Variants in ARHGAP26 observed in about 807,000 individuals in gnomAD.
ARHGAP26 encodes the protein rho GTPase-activating protein 26.
Under a neutral mutation model 104.8 loss-of-function variants are expected in ARHGAP26, and 38 were observed. That is an observed-to-expected ratio of 0.36 (90% CI 0.28 to 0.48). The LOEUF (loss-of-function observed/expected upper bound fraction) is 0.48, where lower values mean the gene tolerates loss of function less well. Among genes scored for constraint, ARHGAP26 ranks in the 20% least tolerant of loss-of-function variants. The pLI, the probability that ARHGAP26 is intolerant of heterozygous loss-of-function variation, is 0.99. For synonymous variants in ARHGAP26, 341 were observed against 340.0 expected (o/e 1.00, Z -0.03); for missense variants, 704 against 947.9 (o/e 0.74, Z 3.38).
intron 1 of ARHGAP26, among the ~76,000 whole-genome samples, chr5:142,793,356 G>A (rs1760286185): frequency 6.7e-6 from 1 of 148,354 alleles, no homozygotes; most frequent in African/African-American, 2.5e-5. Flanking sequence ...TACTGATGGT[G>A]AGTCTTAGTG....
chr5:143,060,033 C>G (rs1349574286), intron 17 of ARHGAP26, among the ~76,000 whole-genome samples: 1 of 152,064 alleles, frequency 6.6e-6, no homozygotes, highest in Non-Finnish European at 1.5e-5. Context: ...TCTAAGATTC[C>G]ACTTAAACTT....
intron 20 of ARHGAP26, among the ~76,000 whole-genome samples, chr5:143,200,816 A>G (rs1472383506): frequency 1.3e-5 from 2 of 152,230 alleles, no homozygotes; most frequent in Non-Finnish European, 2.9e-5. Context: ...TAGCAGCTCT[A>G]CTACTGTGGT....
At chr5:142,821,915 C>G (rs953566082) in intron 1 of ARHGAP26, among the ~76,000 whole-genome samples, 1 of 152,118 alleles carries the variant, frequency 6.6e-6, no homozygotes, top group South Asian at 2.1e-4. Context: ...AATTTTTGTC[C>G]TACATAGATT....
rs571875273 is a variant in ARHGAP26 at position 142,817,645 on chromosome 5, T to C, written c.154+46730T>C. On this transcript the variant is annotated intron_variant, in intron 1 of 22. Transcript: ENST00000645722. ...CCTAATCCCCATCCCTGGGTGGCCA[T>C]GTAGTAAGTGCCCACCTCTCATGAG... Among the ~76,000 whole-genome samples, 5 of 152,210 alleles carry C rather than the reference T, an allele frequency of 3.3e-5. No homozygotes were observed. In the East Asian group the frequency reaches 9.7e-4, roughly 29 times the overall value.
chr5:143,197,881 G>A (rs1417653740), intron 20 of ARHGAP26, among the ~76,000 whole-genome samples: 2 of 152,122 alleles, frequency 1.3e-5, no homozygotes, highest in Non-Finnish European at 2.9e-5. Context: ...GTATAAAAGA[G>A]CACTTTCCAC....
intron 17 of ARHGAP26, among the ~76,000 whole-genome samples, chr5:143,058,948 A>G (rs963082700): frequency 6.6e-6 from 1 of 152,236 alleles, no homozygotes; most frequent in Non-Finnish European, 1.5e-5. Flanking sequence ...AGAATAGCAG[A>G]TAACATGCAA....
chr5:143,031,153 G>A (rs960643585), intron 12 of ARHGAP26, among the ~76,000 whole-genome samples: 4 of 152,260 alleles, frequency 2.6e-5, no homozygotes, highest in Non-Finnish European at 4.4e-5. Context: ...AGCCAGTGTG[G>A]CTAGGTGCTC....
intron 20 of ARHGAP26, among the ~76,000 whole-genome samples, chr5:143,204,258 C>T (rs1808215711): frequency 1.3e-5 from 2 of 152,132 alleles, no homozygotes; most frequent in Admixed American, 1.3e-4. Context: ...CATGGTGGCT[C>T]ATGCCTGTAA....
chr5:142,829,413 A>G (rs1402207501), intron 1 of ARHGAP26, among the ~76,000 whole-genome samples: 1 of 152,194 alleles, frequency 6.6e-6, no homozygotes. Context: ...CCCTTAGTAG[A>G]TCATGATAAG....
intron 20 of ARHGAP26, among the ~76,000 whole-genome samples, chr5:143,176,270 C>T (rs988519586): frequency 6.6e-6 from 1 of 152,192 alleles, no homozygotes; most frequent in African/African-American, 2.4e-5. Context: ...GAGCCATCTG[C>T]TGCTCAGCAG....
chr5:143,055,479 A>G (rs936796351), intron 15 of ARHGAP26, among the ~76,000 whole-genome samples: 3 of 152,188 alleles, frequency 2.0e-5, no homozygotes, highest in African/African-American at 7.2e-5. Flanking sequence ...ATCAGGAAAA[A>G]ACCCTCAAGT....
At chr5:142,962,239 AC>A (rs1195826447) in intron 11 of ARHGAP26, among the ~76,000 whole-genome samples, 1 of 152,228 alleles carries the variant, frequency 6.6e-6, no homozygotes, top group Non-Finnish European at 1.5e-5. Context: ...TTTTACCTTG[AC>A]AAATTTGAAA....
chr5:143,011,303 CT>C (rs58841045), intron 11 of ARHGAP26, among the ~76,000 whole-genome samples: 53 of 110,968 alleles, frequency 4.8e-4, no homozygotes, highest in East Asian at 3.2e-3. Flanking sequence ...TAAACCCCCG[CT>C]TTTTTTTTTT....
At chr5:142,997,152 G>A (rs115202362) in intron 11 of ARHGAP26, among the ~76,000 whole-genome samples, 1,720 of 151,614 alleles carry the variant, frequency 0.011, 34 homozygotes, top group African/African-American at 0.04. Context: ...GTATGTGCAT[G>A]TATATATATA....
chr5:143,065,763 C>T (rs1454624801), intron 17 of ARHGAP26, among the ~76,000 whole-genome samples: 6 of 152,142 alleles, frequency 3.9e-5, no homozygotes, highest in Non-Finnish European at 5.9e-5. Flanking sequence ...TTACCTCCCA[C>T]CCTAGGGAGG....
chr5:143,226,484 G>C lies in ARHGAP26; in HGVS notation c.*4038G>C. The C allele has an allele frequency of 1.3e-5, 1 of 77,726 alleles. No individual in the cohort carries two copies. Among genetic ancestry groups the C allele is most frequent in the Non-Finnish European group, 2.2e-5 (1 of 46,068 alleles). The allele number at this position is 77,726 out of a possible 1,614,324, so 4.8% of individuals were successfully genotyped here. On this transcript the variant is annotated 3_prime_UTR_variant, in exon 23 of 23. Coordinates refer to ENST00000645722, the MANE Select transcript of ARHGAP26 (RefSeq NM_001135608.3). The stretch of plus-strand genomic sequence containing the variant: ...TGACAGAGCCAGACTCCGTCTCAAA[G>C]GAAAAAAAAAAAAAAAAAAAAAGAA...
At chr5:143,196,884 C>G (rs1046898489) in intron 20 of ARHGAP26, among the ~76,000 whole-genome samples, 2 of 152,068 alleles carry the variant, frequency 1.3e-5, no homozygotes, top group African/African-American at 4.8e-5. Context: ...CAACAGCACC[C>G]CAGATGTTGA....
At chr5:143,148,749 A>G (rs1799449613) in intron 20 of ARHGAP26, among the ~76,000 whole-genome samples, 2 of 152,146 alleles carry the variant, frequency 1.3e-5, no homozygotes, top group South Asian at 2.1e-4. Flanking sequence ...AGGTTCTCCT[A>G]TACCCACTTT....
intron 1 of ARHGAP26, among the ~76,000 whole-genome samples, chr5:142,870,248 G>A (rs1755083224): frequency 6.6e-6 from 1 of 152,154 alleles, no homozygotes; most frequent in South Asian, 2.1e-4. Context: ...AGATTCCTGT[G>A]TGCATCAGAG....
Sources: gnomAD v4.1 joint callset for allele counts (sites outside exome capture counted in the v4.1 genomes callset) on GRCh38, gnomAD v4.1.1 for gene constraint, MANE v1.5 for transcripts, NCBI Gene and HGNC (gene_info 2026-07-23, HGNC 2026-07-21) for gene names.